Variants in LAMB4 observed in about 807,000 individuals in gnomAD.
LAMB4 encodes the protein laminin subunit beta 4.
LAMB4 carries 196 observed loss-of-function variants against 199.2 expected under a neutral mutation model. The observed-to-expected ratio is 0.98, with a 90% CI of 0.88 to 1.11. The LOEUF is 1.11. Among genes scored for constraint, LAMB4 ranks in the 50% least tolerant of loss-of-function variants. The pLI, the probability that LAMB4 is intolerant of heterozygous loss-of-function variation, is 0.00. For missense variants in LAMB4, 2,080 were observed against 2,171.2 expected (o/e 0.96, Z 0.83); for synonymous variants, 744 against 770.6 (o/e 0.97, Z 0.57).
intron 14 of LAMB4, among the ~76,000 whole-genome samples, chr7:108,080,598 C>T (rs773436701): frequency 1.3e-5 from 2 of 152,172 alleles, no homozygotes; most frequent in African/African-American, 4.8e-5. Flanking sequence ...GCTCTGTGAT[C>T]TACCCCAAAC....
At chr7:108,129,223 G>A (rs76219377) in intron 1 of LAMB4, among the ~76,000 whole-genome samples, 4,639 of 152,284 alleles carry the variant, frequency 0.03, 185 homozygotes, top group East Asian at 0.19. Flanking sequence ...AACCACAGGT[G>A]CATCGTGTTT....
At chr7:108,071,247 T>G (rs937020978) in intron 17 of LAMB4, among the ~76,000 whole-genome samples, 1 of 152,108 alleles carries the variant, frequency 6.6e-6, no homozygotes, top group Non-Finnish European at 1.5e-5. Context: ...TTCCTTGTCA[T>G]CACCCCTGCC....
At position 108,048,082 on chromosome 7, in the gene LAMB4, A is replaced by G. The variant is rs768965495; in HGVS notation, c.4152T>C (p.Cys1384=). The G allele has an allele frequency of 5.0e-6, 8 of 1,613,666 alleles. No individual in the cohort carries two copies. The highest frequency in any genetic ancestry group is 6.8e-6 in the Non-Finnish European group (8 of 1,179,974). Residue 1384 remains cysteine, a synonymous_variant, in exon 28 of 34, where the codon TGT becomes TGC. Coordinates refer to ENST00000388781, the MANE Select transcript of LAMB4 (RefSeq NM_007356.3). ...KVCGDPGNVP[C]VPLPCGGALC... ...GAGCACCGCCACAGGGCAAGGGCAC[A>G]CATGGCACATTTCCTGGATCTCCGC... is the stretch of plus-strand genomic sequence containing the variant.
rs143040312 is a variant in LAMB4, at chr7:108,096,349, AG to A, written c.1361-1013del. ...TGTGTCAGAATTTTTTTCCTTTTTA[AG>A]GAAGAATAAGATTCCATTGTATGTA... On this transcript the variant is annotated intron_variant, in intron 11 of 33. Transcript: ENST00000388781. 8.7e-3 allele frequency among the ~76,000 whole-genome samples: 1,322 copies of A among 152,282 alleles called. 14 individuals carry two copies. Among genetic ancestry groups the A allele is most frequent in the African/African-American group, 0.03 (1,245 of 41,538 alleles).
chr7:108,080,691 TG>T (rs1258535037), intron 14 of LAMB4, among the ~76,000 whole-genome samples: 4 of 152,188 alleles, frequency 2.6e-5, no homozygotes, highest in Non-Finnish European at 5.9e-5. Context: ...ACAGAGCCTC[TG>T]CCACAGAGGA....
chr7:108,093,022 T>C (rs1001564332), intron 12 of LAMB4, among the ~76,000 whole-genome samples: 7 of 152,196 alleles, frequency 4.6e-5, no homozygotes, highest in Non-Finnish European at 7.3e-5. Flanking sequence ...ATCTGGGTTA[T>C]ATAAATCCTA....
At chr7:108,126,330 A>T (rs764862677) in intron 1 of LAMB4, among the ~76,000 whole-genome samples, 12 of 152,132 alleles carry the variant, frequency 7.9e-5, no homozygotes, top group Non-Finnish European at 1.5e-4. Context: ...AACACTTTTC[A>T]TCTTGCAAAG....
chr7:108,127,000 A>G (rs1179955682), intron 1 of LAMB4, among the ~76,000 whole-genome samples: 2 of 152,126 alleles, frequency 1.3e-5, no homozygotes, highest in African/African-American at 2.4e-5. Flanking sequence ...CAATGTGTAT[A>G]AAACACTCCC....
At chr7:108,090,788 G>A (rs893892239) in intron 14 of LAMB4, among the ~76,000 whole-genome samples, 6 of 152,036 alleles carry the variant, frequency 3.9e-5, no homozygotes, top group East Asian at 1.9e-4. Flanking sequence ...TCAAGACCAC[G>A]AAGAAGAACC....
At chr7:108,028,769 G>C (rs556869704) in intron 33 of LAMB4, among the ~76,000 whole-genome samples, 1 of 152,010 alleles carries the variant, frequency 6.6e-6, no homozygotes, top group Admixed American at 6.6e-5. Flanking sequence ...GAGCCACTGT[G>C]CCCAGCCAAA....
At chr7:108,082,063 G>A (rs1470643298) in intron 14 of LAMB4, among the ~76,000 whole-genome samples, 1 of 152,156 alleles carries the variant, frequency 6.6e-6, no homozygotes, top group Non-Finnish European at 1.5e-5. Flanking sequence ...GGGTGAGGTG[G>A]CTCACGCCTG....
chr7:108,094,150 A>C (rs2037511869), intron 12 of LAMB4, among the ~76,000 whole-genome samples: 1 of 152,204 alleles, frequency 6.6e-6, no homozygotes, highest in Non-Finnish European at 1.5e-5. Context: ...CTTGCCCTGC[A>C]AGCAAAAGTG....
At position 108,063,912 on chromosome 7, in the gene LAMB4, A is replaced by C; in HGVS notation, c.2910T>G (p.Cys970Trp). The C allele has an allele frequency of 6.2e-7, 1 of 1,614,208 alleles. No individual in the cohort carries two copies. The highest frequency in any genetic ancestry group is 8.5e-7 in the Non-Finnish European group (1 of 1,180,032). The change falls in exon 22 of 34, where the codon TGT becomes TGG. Residue 970 changes from cysteine to tryptophan, a missense_variant. By Grantham distance (215) the Cys-to-Trp change is radical. Transcript: ENST00000388781. Reference sequence around the variant, plus strand: ...TTACATCTATGTTGTTGTTGCAGGCACATGGTTGGCAAGGTGCTCCTGAAA... The same window carrying C: ...TTACATCTATGTTGTTGTTGCAGGCCCATGGTTGGCAAGGTGCTCCTGAAA... ...PRISGAPCQP[C>W]ACNNNIDVTD...
chr7:108,017,984 T>G, the LAMB4 span, among the ~76,000 whole-genome samples: 289 of 152,374 alleles, frequency 1.9e-3, 2 homozygotes, highest in African/African-American at 6.7e-3. Flanking sequence ...CAAACCATGC[T>G]CTTCGCATTT....
intron 23 of LAMB4, among the ~76,000 whole-genome samples, chr7:108,058,708 G>A (rs1180497615): frequency 1.3e-5 from 2 of 151,886 alleles, no homozygotes; most frequent in Non-Finnish European, 2.9e-5. Context: ...CAGGCTGTAC[G>A]GCAGTGGTGC....
rs533052280 is a variant in LAMB4 at position 108,030,904 on chromosome 7, A to G, written c.4894T>C (p.Ser1632Pro). The G allele has an allele frequency of 5.6e-6, 9 of 1,614,134 alleles. No individual in the cohort carries two copies. The African/African-American group carries it at 1.2e-4, about 22-fold the overall frequency. Residue 1632 changes from serine (S) to proline (P), a missense_variant, in exon 32 of 34, where the codon TCC (serine) becomes CCC (proline). By Grantham distance (74) the Ser-to-Pro change is moderately conservative. Coordinates refer to ENST00000388781, the MANE Select transcript of LAMB4 (RefSeq NM_007356.3). ...CTTTGCAACTTGGTCTGCAGCAGGG[A>G]AAGTCCATCCTCCAGCCCTGATCGC... The part of the protein sequence containing the change: ...KQRSGLEDGL[S>P]LLQTKLQRHQ...
At chr7:108,063,723 A>C in intron 22 of LAMB4, 38 bp downstream of exon 22, 1 of 1,531,954 alleles carries the variant, frequency 6.5e-7, no homozygotes, top group Non-Finnish European at 9.0e-7. Flanking sequence ...GCTGTCACTC[A>C]GCTGACACAT....
intron 31 of LAMB4, 43 bp downstream of exon 31, chr7:108,034,165 C>A (rs1457105695): frequency 3.1e-6 from 5 of 1,599,142 alleles, no homozygotes; most frequent in South Asian, 1.1e-5. Flanking sequence ...GTTGTTTTTA[C>A]CCTCAAAACC....
At chr7:108,128,236 A>G (rs2038863328) in intron 1 of LAMB4, among the ~76,000 whole-genome samples, 1 of 152,094 alleles carries the variant, frequency 6.6e-6, no homozygotes, top group South Asian at 2.1e-4. Flanking sequence ...TGCCCTGTGT[A>G]TAAGTCCCCT....
Sources: gnomAD v4.1 joint callset for allele counts (sites outside exome capture counted in the v4.1 genomes callset) on GRCh38, gnomAD v4.1.1 for gene constraint, MANE v1.5 for transcripts, NCBI Gene and HGNC (gene_info 2026-07-23, HGNC 2026-07-21) for gene names.